DENND4B: variants seen among roughly 807,000 people sequenced by gnomAD.
The protein encoded by DENND4B is DENN domain-containing protein 4B.
A neutral mutation model predicts 161.0 loss-of-function variants in DENND4B; 67 were observed. That is an observed-to-expected ratio of 0.42 (90% confidence interval 0.34 to 0.51). The LOEUF is 0.51. DENND4B is among the 20% of genes least tolerant of loss of function. The pLI is 0.08. For synonymous variants in DENND4B, 753 were observed against 813.8 expected, an observed-to-expected ratio of 0.93 and a Z score of 1.27; for missense variants, 1,481 against 1,968.0, an observed-to-expected ratio of 0.75 and a Z score of 4.68.
chr1:153,938,945 A>G lies in DENND4B; in HGVS notation c.1920T>C (p.Ser640=), dbSNP rs754460291. ...SQFIEECSFG[S]ARHAALEFFD... is the part of the protein sequence containing the mutation. Reference sequence around the variant, plus strand: ...AGAATTCAAGGGCAGCATGGCGAGCAGAGCCAAAAGAGCACTCCTCAATGA... The same window carrying G: ...AGAATTCAAGGGCAGCATGGCGAGCGGAGCCAAAAGAGCACTCCTCAATGA... The change falls in exon 13 of 28, where the codon TCT becomes TCC. Residue 640 remains serine (S), a synonymous_variant. Transcript: ENST00000361217. 1 of 1,606,608 alleles carries G rather than the reference A, an allele frequency of 6.2e-7. No individual in the cohort carries two copies. Among genetic ancestry groups the G allele is most frequent in the Non-Finnish European group, 8.5e-7 (1 of 1,176,466 alleles).
rs1355958969 is a variant in DENND4B at position 153,942,680 on chromosome 1, G to T, written c.571-55C>A. 6.6e-7 allele frequency: 1 copy of T among 1,515,638 alleles called. No homozygotes were observed. The highest frequency in any genetic ancestry group is 8.8e-7 in the Non-Finnish European group (1 of 1,133,480). 93.9% of individuals were successfully genotyped at this position (1,515,638 alleles called of 1,614,324 possible). A position where few individuals can be genotyped will look rare whatever the true frequency, so the allele number is the denominator to read the frequency against. On this transcript the variant is annotated intron_variant, in intron 3 of 27. Coordinates refer to ENST00000361217, the MANE Select transcript of DENND4B (RefSeq NM_014856.3). The surrounding 1 kb of genome is among the most constrained non-coding windows in gnomAD (Gnocchi z 6.9). Reference sequence around the variant, plus strand: ...ATACATAGCTAACAAAGGTTTCTGGGGTCCACTTTCTCTCTACCACCCCTA... The same window carrying T: ...ATACATAGCTAACAAAGGTTTCTGGTGTCCACTTTCTCTCTACCACCCCTA...
chr1:153,942,854 G>T lies in DENND4B; in HGVS notation c.570+24C>A. On this transcript the variant is annotated intron_variant, in intron 3 of 27. Transcript: ENST00000361217. This position sits in a 1 kb window ranked among gnomAD's most constrained non-coding sequence, Gnocchi z 6.9. ...CCCACTCTTACACCAAGAGGACCAG[G>T]TGTCAGCTCTTGGCCCCACTCACCA... 1.9e-6 allele frequency: 3 copies of T among 1,578,648 alleles called. No individual in the cohort carries two copies. Among genetic ancestry groups the T allele is most frequent in the Non-Finnish European group, 2.6e-6 (3 of 1,158,178 alleles).
chr1:153,943,912 T>C (rs1679816944), intron 2 of DENND4B, 146 bp downstream of exon 2: 2 of 885,930 alleles, frequency 2.3e-6, no homozygotes, highest in African/African-American at 1.7e-5. Context: ...ACTAAGTACA[T>C]ACAACTTCAG....
chr1:153,938,737 A>T (rs1040673934), intron 13 of DENND4B, among the ~76,000 whole-genome samples, 163 bp downstream of exon 13: 9 of 151,478 alleles, frequency 5.9e-5, no homozygotes, highest in Non-Finnish European at 4.4e-5. Context: ...AACTTAAAAA[A>T]ATATTAAAAA....
rs780556448 is a variant in DENND4B, at chr1:153,942,632, C to T, written c.571-7G>A. 1.3e-6 allele frequency: 2 copies of T among 1,584,514 alleles called. No individual in the cohort carries two copies. Among genetic ancestry groups the T allele is most frequent in the East Asian group, 2.3e-5 (1 of 43,808 alleles). On this transcript the variant is annotated splice_region_variant and splice_polypyrimidine_tract_variant and intron_variant, in intron 3 of 27. Coordinates refer to ENST00000361217, the MANE Select transcript of DENND4B (RefSeq NM_014856.3). This position sits in a 1 kb window ranked among gnomAD's most constrained non-coding sequence, Gnocchi z 6.9. ...GGTACACTGCTGGGCCCCACTACCC[C>T]AGAAATGGCAAGAGACAAGCAGATA... is the stretch of plus-strand genomic sequence containing the variant.
rs926565746 is a variant in DENND4B at position 153,934,689 on chromosome 1, A to G, written c.2773+71T>C. On this transcript the variant is annotated intron_variant, in intron 18 of 27. Coordinates refer to ENST00000361217, the MANE Select transcript of DENND4B (RefSeq NM_014856.3). The surrounding 1 kb of genome is among the most constrained non-coding windows in gnomAD (Gnocchi z 5.3). ...AATGCCAACCATTAGACCAGCCCCA[A>G]CTCTCTATGCCTTTCCCTGCCTGAG... The G allele has an allele frequency of 3.2e-6, 5 of 1,539,778 alleles. No homozygotes were observed. The highest frequency in any genetic ancestry group is 4.4e-6 in the Non-Finnish European group (5 of 1,143,798).
chr1:153,936,027 C>T lies in DENND4B; in HGVS notation c.2568+33G>A. 6.2e-7 allele frequency: 1 copy of T among 1,610,506 alleles called. No homozygotes were observed. Among genetic ancestry groups the T allele is most frequent in the Non-Finnish European group, 8.5e-7 (1 of 1,178,272 alleles). On this transcript the variant is annotated intron_variant, in intron 17 of 27. Coordinates refer to ENST00000361217, the MANE Select transcript of DENND4B (RefSeq NM_014856.3). The surrounding 1 kb of genome is among the most constrained non-coding windows in gnomAD (Gnocchi z 4.1). ...CCTCCCCTCACACACCCTGGCACAG[C>T]TGCCATCCCACCCCTCACCCCAAAG... is the stretch of plus-strand genomic sequence containing the variant.
In DENND4B at chr1:153,946,697, G is replaced by A. The variant is rs1679994041; in HGVS notation, c.-420C>T. On this transcript the variant is annotated 5_prime_UTR_variant, in exon 1 of 28. Coordinates refer to ENST00000361217, the MANE Select transcript of DENND4B (RefSeq NM_014856.3). This position sits in a 1 kb window ranked among gnomAD's most constrained non-coding sequence, Gnocchi z 6.3. ...CCCCACCCCTCCTCCTCGGCCGGCG[G>A]CCGTGACCCTGGCAAGCGTCTGCCC... 2.7e-6 allele frequency: 1 copy of A among 376,552 alleles called. No homozygotes were observed. Among genetic ancestry groups the A allele is most frequent in the South Asian group, 1.4e-4 (1 of 6,914 alleles). The allele number at this position is 376,552 out of a possible 1,614,324, so 23.3% of individuals were successfully genotyped here. A position where few individuals can be genotyped will look rare whatever the true frequency, so the allele number is the denominator to read the frequency against.
At position 153,934,676 on chromosome 1, in the gene DENND4B, T is replaced by C; in HGVS notation, c.2773+84A>G. ...TCCCCAGAAACCCAATGCCAACCAT[T>C]AGACCAGCCCCAACTCTCTATGCCT... On this transcript the variant is annotated intron_variant, in intron 18 of 27. Transcript: ENST00000361217. The surrounding 1 kb of genome is among the most constrained non-coding windows in gnomAD (Gnocchi z 5.3). 1 of 1,524,368 alleles carries C rather than the reference T, an allele frequency of 6.6e-7. No individual in the cohort carries two copies. The highest frequency in any genetic ancestry group is 8.8e-7 in the Non-Finnish European group (1 of 1,135,426). 94.4% of individuals were successfully genotyped at this position (1,524,368 alleles called of 1,614,324 possible). A position where few individuals can be genotyped will look rare whatever the true frequency, so the allele number is the denominator to read the frequency against.
At position 153,944,625 on chromosome 1, in the gene DENND4B, A is replaced by G. The variant is rs183001198; in HGVS notation, c.-23-228T>C. ...TCCTGGCACTCCCCTCAAAGAACCT[A>G]AACTCCACCACACACAGCTAACCTG... On this transcript the variant is annotated intron_variant, in intron 1 of 27. Coordinates refer to ENST00000361217, the MANE Select transcript of DENND4B (RefSeq NM_014856.3). The surrounding 1 kb of genome is among the most constrained non-coding windows in gnomAD (Gnocchi z 4.8). Among the ~76,000 whole-genome samples the G allele has an allele frequency of 7.3e-4, 111 of 152,310 alleles. No homozygotes were observed. The highest frequency in any genetic ancestry group is 7.3e-3 in the Admixed American group (111 of 15,300).
At position 153,940,033 on chromosome 1, in the gene DENND4B, C is replaced by A. The variant is rs892136922; in HGVS notation, c.1603+123G>T. ...GGAATTGGAATCTCCCTCAGTTCCA[C>A]CAAATGCAATCCTAACTTCACTCAC... On this transcript the variant is annotated intron_variant, in intron 11 of 27. Transcript: ENST00000361217. This position sits in a 1 kb window ranked among gnomAD's most constrained non-coding sequence, Gnocchi z 5.6. 4 of 939,826 alleles carry A rather than the reference C, an allele frequency of 4.3e-6. No homozygotes were observed. The African/African-American group carries it at 5.0e-5, about 12-fold the overall frequency. 58.2% of individuals were successfully genotyped at this position (939,826 alleles called of 1,614,324 possible). A position where few individuals can be genotyped will look rare whatever the true frequency, so the allele number is the denominator to read the frequency against.
At position 153,940,614 on chromosome 1, in the gene DENND4B, A is replaced by T. The variant is rs1276040944; in HGVS notation, c.1327-8T>A. On this transcript the variant is annotated splice_region_variant and splice_polypyrimidine_tract_variant and intron_variant, in intron 9 of 27. Transcript: ENST00000361217. The surrounding 1 kb of genome is among the most constrained non-coding windows in gnomAD (Gnocchi z 5.6). ...GTGCAGTGGGAAGATCATCTGAAGC[A>T]CCAGGCAGTGAGAACCAGTGAACAG... The T allele has an allele frequency of 6.2e-7, 1 of 1,610,212 alleles. No individual in the cohort carries two copies. Among genetic ancestry groups the T allele is most frequent in the Non-Finnish European group, 8.5e-7 (1 of 1,178,320 alleles).
chr1:153,940,851 A>T lies in DENND4B; in HGVS notation c.1326+53T>A. 6.5e-7 allele frequency: 1 copy of T among 1,526,932 alleles called. No homozygotes were observed. The highest frequency in any genetic ancestry group is 8.8e-7 in the Non-Finnish European group (1 of 1,140,920). The allele number at this position is 1,526,932 out of a possible 1,614,324, so 94.6% of individuals were successfully genotyped here. ...GAAGAGTCCAGGCAGGGATAGGGGC[A>T]CCAGAAAGAACCATGGTTCTGGGGA... On this transcript the variant is annotated intron_variant, in intron 9 of 27. Transcript: ENST00000361217. This position sits in a 1 kb window ranked among gnomAD's most constrained non-coding sequence, Gnocchi z 5.6.
In DENND4B at chr1:153,933,781, T is replaced by G. The variant is rs1451019472; in HGVS notation, c.3032A>C (p.Glu1011Ala). The G allele has an allele frequency of 6.2e-7, 1 of 1,611,096 alleles. No homozygotes were observed. The highest frequency in any genetic ancestry group is 8.5e-7 in the Non-Finnish European group (1 of 1,179,162). ...CCCTGGGCTGCCTCCAGGGAGCGGC[T>G]CCTCCCCTGTCAGGCTCAGGTCTGA... Reference protein sequence around the residue: ...SLSDLSLTGEEPLPGGSPGGS... With the variant: ...SLSDLSLTGEAPLPGGSPGGS... The change falls in exon 20 of 28, where the codon GAG becomes GCG. Residue 1011 changes from glutamate (E) to alanine (A), a missense_variant. Around this residue, in one of 3 missense-constraint regions of DENND4B, gnomAD observed 339 missense variants for 330.3 expected, o/e 1.03. Coordinates refer to ENST00000361217, the MANE Select transcript of DENND4B (RefSeq NM_014856.3). The surrounding 1 kb of genome is among the most constrained non-coding windows in gnomAD (Gnocchi z 5.7).
At position 153,929,706 on chromosome 1, in the gene DENND4B, T is replaced by A. The variant is rs1386524210; in HGVS notation, c.*591A>T. The A allele has an allele frequency of 2.0e-5, 3 of 152,332 alleles. No homozygotes were observed. The highest frequency in any genetic ancestry group is 7.2e-5 in the African/African-American group (3 of 41,416). 9.4% of individuals were successfully genotyped at this position (152,332 alleles called of 1,614,324 possible). A position where few individuals can be genotyped will look rare whatever the true frequency, so the allele number is the denominator to read the frequency against. The stretch of plus-strand genomic sequence containing the variant: ...TCCCAGTGCCTGACTTTGAAGGAAC[T>A]ACAAACCACCGGACCATGGTGCCCT... On this transcript the variant is annotated 3_prime_UTR_variant, in exon 28 of 28. Coordinates refer to ENST00000361217, the MANE Select transcript of DENND4B (RefSeq NM_014856.3).
Position 153,934,211 on chromosome 1 carries a change from A to C in DENND4B, c.2865T>G (p.Pro955=). 6.2e-7 allele frequency: 1 copy of C among 1,606,306 alleles called. No homozygotes were observed. The highest frequency in any genetic ancestry group is 8.5e-7 in the Non-Finnish European group (1 of 1,177,026). The change falls in exon 19 of 28, where the codon CCT becomes CCG. Residue 955 remains proline, a synonymous_variant. Transcript: ENST00000361217. The surrounding 1 kb of genome is among the most constrained non-coding windows in gnomAD (Gnocchi z 5.3). ...GGCTACCACTCTTCACCAGGCGTCC[A>C]GGGGGTGAGGCTGGGTCTCTCAGAC... is the stretch of plus-strand genomic sequence containing the variant. ...GRSLRDPASP[P]GRLVKSGSLG... is the part of the protein sequence containing the mutation.
In DENND4B at chr1:153,936,647, A is replaced by G; in HGVS notation, c.2334T>C (p.Cys778=). Residue 778 remains cysteine, a synonymous_variant, in exon 16 of 28, where the codon TGT becomes TGC. Transcript: ENST00000361217. This position sits in a 1 kb window ranked among gnomAD's most constrained non-coding sequence, Gnocchi z 4.1. The stretch of plus-strand genomic sequence containing the variant: ...GTGCCGACCGCACATAGGCAGGCAG[A>G]CACAGGAACCACAGCCCATAGCAGT... ...LGHCYGLWFL[C]LPAYVRSAPS... is the part of the protein sequence containing the mutation. The G allele has an allele frequency of 6.2e-7, 1 of 1,613,700 alleles. No homozygotes were observed. Among genetic ancestry groups the G allele is most frequent in the South Asian group, 1.1e-5 (1 of 91,020 alleles).
Position 153,930,744 on chromosome 1 carries a change from C to G in DENND4B, c.4228G>C (p.Gly1410Arg). The change falls in exon 26 of 28, where the codon GGG (glycine) becomes CGG (arginine). Residue 1410 changes from glycine to arginine, a missense_variant. Coordinates refer to ENST00000361217, the MANE Select transcript of DENND4B (RefSeq NM_014856.3). The surrounding 1 kb of genome is among the most constrained non-coding windows in gnomAD (Gnocchi z 4.7). ...GGCCCTAGAGTTTCCAGCAGGAGCC[C>G]CACAGCCTTGTGCACTTCATTGAGT... ...VGLNEVHKAV[G>R]LLLETLGPPP... 6.2e-7 allele frequency: 1 copy of G among 1,611,114 alleles called. No individual in the cohort carries two copies. The highest frequency in any genetic ancestry group is 1.1e-5 in the South Asian group (1 of 90,516).
intron 1 of DENND4B, among the ~76,000 whole-genome samples, chr1:153,945,504 T>C (rs928387088): frequency 2.6e-5 from 4 of 151,796 alleles, no homozygotes; most frequent in Non-Finnish European, 5.9e-5. Context: ...GAACAGGGAA[T>C]AAGGAATCTC....
Sources: allele counts gnomAD v4.1 joint callset (sites outside exome capture counted in the v4.1 genomes callset), GRCh38; gene constraint gnomAD v4.1.1; regional missense constraint gnomAD v4.1.1; non-coding constraint Gnocchi (gnomAD v3.1); transcripts MANE v1.5; gene names NCBI Gene and HGNC (gene_info 2026-07-23, HGNC 2026-07-21).